The following MORN3 variants were observed in gnomAD, a reference collection of about 807,000 sequenced individuals.
The protein encoded by MORN3 is MORN repeat containing 3.
MORN3 carries 38 observed loss-of-function variants against 34.7 expected under a neutral mutation model. The observed-to-expected ratio is 1.10, with a 90% CI of 0.85 to 1.44. The LOEUF is 1.44. Among genes scored for constraint, MORN3 ranks in the 40% most tolerant of loss-of-function variants. The probability of loss-of-function intolerance (pLI) is 0.00; values close to 1 mark genes in which losing one functional copy is unlikely to be tolerated. For missense variants in MORN3, 311 were observed against 321.7 expected (o/e 0.97, Z 0.25); for synonymous variants, 109 against 115.3 (o/e 0.95, Z 0.35).
chr12:121,651,864 C>T (rs782137057), intron 5 of MORN3, among the ~76,000 whole-genome samples: 7 of 152,076 alleles, frequency 4.6e-5, no homozygotes, highest in Non-Finnish European at 2.9e-5. Flanking sequence ...AGTTGTGTGG[C>T]CCAGGGTGCA....
chr12:121,652,459 C>T (rs1594218750), intron 5 of MORN3, among the ~76,000 whole-genome samples: 5 of 152,288 alleles, frequency 3.3e-5, no homozygotes, highest in Admixed American at 3.3e-4. Context: ...GTCTCAAATT[C>T]CTGACCTCAA....
At chr12:121,653,312 C>T in intron 3 of MORN3, 53 bp from the exon 4 acceptor site, 2 of 1,562,508 alleles carry the variant, frequency 1.3e-6, no homozygotes, top group South Asian at 2.4e-5. Context: ...CTAAGCTAGA[C>T]CCCCAGGGGT....
chr12:121,666,796 C>T (rs4760124), intron 1 of MORN3, among the ~76,000 whole-genome samples: 4,788 of 151,978 alleles, frequency 0.032, 157 homozygotes, highest in East Asian at 0.18. Context: ...TCATTCACAA[C>T]TAAATAGCCA....
intron 1 of MORN3, among the ~76,000 whole-genome samples, chr12:121,665,451 C>G (rs1893723197): frequency 6.6e-6 from 1 of 150,510 alleles, no homozygotes; most frequent in African/African-American, 2.4e-5. Context: ...CCACCACGCC[C>G]GGCTAATTTT....
chr12:121,655,290 G>A (rs1893384610), intron 2 of MORN3, among the ~76,000 whole-genome samples: 1 of 151,828 alleles, frequency 6.6e-6, no homozygotes, highest in Non-Finnish European at 1.5e-5. Context: ...GGAGGTTGCA[G>A]TGAGCTGAGA....
intron 1 of MORN3, among the ~76,000 whole-genome samples, chr12:121,662,907 A>T (rs763479519): frequency 2.1e-4 from 32 of 152,166 alleles, no homozygotes; most frequent in Non-Finnish European, 4.3e-4. Context: ...GAATCATTTG[A>T]ACCCGGGTGG....
intron 2 of MORN3, among the ~76,000 whole-genome samples, chr12:121,656,361 T>C (rs1555325705): frequency 6.6e-6 from 1 of 152,114 alleles, no homozygotes; most frequent in Non-Finnish European, 1.5e-5. Context: ...TCTTGCTCTG[T>C]TGTCCAGGCT....
At chr12:121,671,494 A>C (rs1893968650), upstream of MORN3, among the ~76,000 whole-genome samples, 1 of 152,120 alleles carries the variant, frequency 6.6e-6, no homozygotes, top group African/African-American at 2.4e-5. Flanking sequence ...GGCAATAATA[A>C]ATGTAAAAAT....
upstream of MORN3, among the ~76,000 whole-genome samples, chr12:121,672,040 C>A (rs1404007117): frequency 6.6e-6 from 1 of 152,170 alleles, no homozygotes; most frequent in Non-Finnish European, 1.5e-5. Context: ...ATCAGTGTAA[C>A]CTAAAATCAC....
intron 2 of MORN3, among the ~76,000 whole-genome samples, chr12:121,655,850 G>A (rs1555325637): frequency 6.6e-6 from 1 of 151,434 alleles, no homozygotes; most frequent in East Asian, 2.0e-4. Flanking sequence ...CTAACATGGT[G>A]AAAACCCGTC....
intron 1 of MORN3, among the ~76,000 whole-genome samples, chr12:121,661,501 C>T (rs1354476436): frequency 1.3e-5 from 2 of 152,166 alleles, no homozygotes; most frequent in South Asian, 2.1e-4. Flanking sequence ...TCCCTCTGAG[C>T]TTTGTGACCT....
At chr12:121,653,776 G>GA (rs1555325382) in intron 3 of MORN3, among the ~76,000 whole-genome samples, 1 of 152,098 alleles carries the variant, frequency 6.6e-6, no homozygotes, top group Non-Finnish European at 1.5e-5. Flanking sequence ...AAAGTGCTGG[G>GA]ATTACAGGCA....
At chr12:121,659,124 AACACACACGCGCGCACACACACAC>A (rs901358372) in intron 2 of MORN3, 43 bp downstream of exon 2, 10 of 1,525,408 alleles carry the variant, frequency 6.6e-6, no homozygotes, top group East Asian at 2.3e-5. Flanking sequence ...GCTTCCCCTA[AACACACACGCGCGCACACACACAC>A]ACACACACAC....
Position 121,653,268 on chromosome 12 carries a change from A to G in MORN3, c.464-9T>C, listed in dbSNP as rs782322533. ...GTAGCGGTTCCCGTTCTCTGGGGGAAAGGACAGGGAGGTGTGGTGCAGGGT... is the reference window on the plus strand; with the variant it reads ...GTAGCGGTTCCCGTTCTCTGGGGGAGAGGACAGGGAGGTGTGGTGCAGGGT... On this transcript the variant is annotated splice_polypyrimidine_tract_variant and intron_variant, in intron 3 of 5. Transcript: ENST00000355329. The G allele has an allele frequency of 1.2e-6, 2 of 1,612,778 alleles. No individual in the cohort carries two copies. The highest frequency in any genetic ancestry group is 4.5e-5 in the East Asian group (2 of 44,878).
chr12:121,653,815 A>T (rs7135040), intron 3 of MORN3, among the ~76,000 whole-genome samples: 5,728 of 152,002 alleles, frequency 0.038, 209 homozygotes, highest in African/African-American at 0.094. Context: ...TTTTTTTTTA[A>T]AAATTGAGAT....
upstream of MORN3, chr12:121,669,726 G>T: frequency 2.5e-6 from 1 of 392,462 alleles, no homozygotes; most frequent in Non-Finnish European, 4.8e-6. Context: ...CAATTACTTG[G>T]GAATCTAGGG....
chr12:121,653,243 G>T lies in MORN3; in HGVS notation c.480C>A (p.Tyr160Ter), dbSNP rs180768193. 3.7e-5 allele frequency: 59 copies of T among 1,613,896 alleles called. No homozygotes were observed. Among genetic ancestry groups the T allele is most frequent in the Non-Finnish European group, 1.9e-5 (22 of 1,179,984 alleles). The change falls in exon 4 of 6, where the codon TAC (tyrosine) becomes TAA (stop). Residue 160 changes from tyrosine (Y) to a stop codon, truncating the protein, a stop_gained. Transcript: ENST00000355329. LOFTEE classifies it high-confidence loss of function. Reference protein sequence around the residue: ...GMLRLKNGNRYEGCWERGMKN... With the variant: ...GMLRLKNGNR ...TCATGCCTCTCTCCCAGCAGCCCTC[G>T]TAGCGGTTCCCGTTCTCTGGGGGAA...
At position 121,651,655 on chromosome 12, in the gene MORN3, G is replaced by C. The variant is rs1329490956; in HGVS notation, c.*7-11C>G. The C allele has an allele frequency of 6.6e-6, 1 of 152,346 alleles. No individual in the cohort carries two copies. The highest frequency in any genetic ancestry group is 6.6e-5 in the Admixed American group (1 of 15,248). 9.4% of individuals were successfully genotyped at this position (152,346 alleles called of 1,614,324 possible). The stretch of plus-strand genomic sequence containing the variant: ...AAGCGTTTGTGTTCTCTGCAGGGGA[G>C]AGAGGGATGGTGGAGCTGGCATTTG... On this transcript the variant is annotated splice_polypyrimidine_tract_variant and intron_variant, in intron 5 of 5. Coordinates refer to ENST00000355329, the MANE Select transcript of MORN3 (RefSeq NM_173855.5).
chr12:121,655,708 C>T (rs1893396303), intron 2 of MORN3, among the ~76,000 whole-genome samples: 1 of 151,138 alleles, frequency 6.6e-6, no homozygotes, highest in Admixed American at 6.6e-5. Flanking sequence ...AAGACTGTCT[C>T]AAAAAACAAA....
Sources: allele counts gnomAD v4.1 joint callset (sites outside exome capture counted in the v4.1 genomes callset), GRCh38; gene constraint gnomAD v4.1.1; transcripts MANE v1.5; gene names NCBI Gene and HGNC (gene_info 2026-07-23, HGNC 2026-07-21).